The following CTTN variants were observed in gnomAD, a reference collection of about 807,000 sequenced individuals.
The protein encoded by CTTN is src substrate cortactin.
Under a neutral mutation model 84.0 loss-of-function variants are expected in CTTN, and 28 were observed. The ratio of observed to expected loss-of-function variants is 0.33; its 90% confidence interval spans 0.25 to 0.46. CTTN has a LOEUF of 0.46. Ranked by LOEUF, CTTN falls within the 20% of genes least tolerant of loss-of-function variation. CTTN has a pLI of 1.00. For missense variants in CTTN, 641 were observed against 723.8 expected (o/e 0.89, Z 1.31); for synonymous variants, 301 against 288.8 (o/e 1.04, Z -0.43).
At chr11:70,427,648 T>A (rs2058314225) in intron 13 of CTTN, among the ~76,000 whole-genome samples, 1 of 152,260 alleles carries the variant, frequency 6.6e-6, no homozygotes, top group African/African-American at 2.4e-5. Flanking sequence ...GGCCGGCTCC[T>A]CTGGCCCTGT....
At chr11:70,420,577 T>C (rs1226265677) in intron 10 of CTTN, 67 bp downstream of exon 10, 14 of 1,156,098 alleles carry the variant, frequency 1.2e-5, no homozygotes, top group Non-Finnish European at 1.8e-5. Flanking sequence ...CGGGGTCAGT[T>C]GGTATGTGTT....
At chr11:70,434,383 C>T (rs748428952) in intron 17 of CTTN, among the ~76,000 whole-genome samples, 2 of 152,254 alleles carry the variant, frequency 1.3e-5, no homozygotes, top group Non-Finnish European at 2.9e-5. Context: ...AAGCATCTTA[C>T]GGGTGGCGTG....
intron 15 of CTTN, among the ~76,000 whole-genome samples, chr11:70,431,698 A>G (rs549006908): frequency 6.6e-6 from 1 of 152,016 alleles, no homozygotes; most frequent in Non-Finnish European, 1.5e-5. Context: ...TCTGCCTTCT[A>G]TGCCTGCCCC....
At chr11:70,424,683 G>A (rs772584153) in intron 12 of CTTN, among the ~76,000 whole-genome samples, 8 of 152,018 alleles carry the variant, frequency 5.3e-5, no homozygotes, top group Non-Finnish European at 1.2e-4. Context: ...GGAGGAGGGA[G>A]CGGGGTCCGA....
intron 10 of CTTN, 60 bp downstream of exon 10, chr11:70,420,570 G>C: frequency 8.0e-7 from 1 of 1,250,822 alleles, no homozygotes; most frequent in Non-Finnish European, 1.2e-6. Flanking sequence ...TTCCTTGCGG[G>C]GTCAGTTGGT....
chr11:70,403,334 A>G (rs1436015624), intron 1 of CTTN, among the ~76,000 whole-genome samples: 1 of 151,962 alleles, frequency 6.6e-6, no homozygotes. Context: ...GACTACAGGC[A>G]TGCGTCACCA....
intron 12 of CTTN, among the ~76,000 whole-genome samples, chr11:70,423,978 A>G (rs2058272797): frequency 6.6e-6 from 1 of 152,046 alleles, no homozygotes; most frequent in South Asian, 2.1e-4. Context: ...GAAGCAGGGC[A>G]TGGTGTTTGG....
intron 9 of CTTN, chr11:70,420,112 CG>C (rs1436360579): frequency 1.7e-6 from 1 of 596,208 alleles, no homozygotes; most frequent in African/African-American, 1.9e-5. Context: ...CTGTGTTGCC[CG>C]TGTGAGCCTG....
chr11:70,435,167 C>T lies in CTTN; in HGVS notation c.*5C>T, dbSNP rs1217105624. ...TATGTGGAGCTGCGGCAGTAGGGCCCCCAGCCCCCCCCCGGAGCTGCGCCC... is the reference window on the plus strand; with the variant it reads ...TATGTGGAGCTGCGGCAGTAGGGCCTCCAGCCCCCCCCCGGAGCTGCGCCC... On this transcript the variant is annotated 3_prime_UTR_variant, in exon 18 of 18. Coordinates refer to ENST00000301843, the MANE Select transcript of CTTN (RefSeq NM_005231.4). 3.7e-6 allele frequency: 6 copies of T among 1,604,572 alleles called. No homozygotes were observed. Among genetic ancestry groups the T allele is most frequent in the African/African-American group, 1.3e-5 (1 of 74,768 alleles).
rs749488747 is a variant in CTTN, at chr11:70,429,163, G to A, written c.1140G>A (p.Glu380=). The change falls in exon 14 of 18, where the codon GAG becomes GAA. Residue 380 remains glutamate, a synonymous_variant. Coordinates refer to ENST00000301843, the MANE Select transcript of CTTN (RefSeq NM_005231.4). ...EAERAQRMAK[E]RQEQEEARRK... is the part of the protein sequence containing the mutation. ...AGAGAGCCCAGCGGATGGCCAAGGA[G>A]CGGCAGGAGCAGGAAGAGGCCAGGA... The A allele has an allele frequency of 2.5e-6, 4 of 1,613,796 alleles. No individual in the cohort carries two copies. The highest frequency in any genetic ancestry group is 1.7e-5 in the Admixed American group (1 of 60,030).
At chr11:70,401,590 G>T (rs1378868582) in intron 1 of CTTN, among the ~76,000 whole-genome samples, 2 of 152,066 alleles carry the variant, frequency 1.3e-5, no homozygotes, top group Non-Finnish European at 2.9e-5. Flanking sequence ...AGAGGTTGCG[G>T]TGAGCTGAGA....
intron 13 of CTTN, among the ~76,000 whole-genome samples, chr11:70,425,814 G>A (rs1344922923): frequency 6.6e-6 from 1 of 152,212 alleles, no homozygotes; most frequent in African/African-American, 2.4e-5. Context: ...CATTCTCTCT[G>A]CTGCTCGTTC....
chr11:70,433,253 A>C lies in CTTN; in HGVS notation c.1419A>C (p.Ala473=), dbSNP rs780946788. ...CCACAGAGGCTGTCTATGAAAGCGC[A>C]GAGGCCCCGGGCCACTATCCCGCAG... is the stretch of plus-strand genomic sequence containing the variant. ...AYATEAVYES[A]EAPGHYPAED... is the part of the protein sequence containing the mutation. Residue 473 remains alanine, a synonymous_variant, in exon 16 of 18, where the codon GCA becomes GCC. Coordinates refer to ENST00000301843, the MANE Select transcript of CTTN (RefSeq NM_005231.4). 12 of 1,612,204 alleles carry C rather than the reference A, an allele frequency of 7.4e-6. No homozygotes were observed. Among genetic ancestry groups the C allele is most frequent in the Non-Finnish European group, 1.0e-5 (12 of 1,179,720 alleles).
intron 15 of CTTN, among the ~76,000 whole-genome samples, chr11:70,432,849 G>A (rs1483434887): frequency 5.9e-5 from 9 of 152,208 alleles, no homozygotes; most frequent in East Asian, 3.9e-4. Flanking sequence ...CTGTGTGGGC[G>A]TGGTTATTGC....
intron 10 of CTTN, 131 bp downstream of exon 10, chr11:70,420,641 C>G (rs1207932799): frequency 1.4e-6 from 1 of 704,994 alleles, no homozygotes; most frequent in South Asian, 1.7e-5. Flanking sequence ...TGAAGTTGTC[C>G]TGTGTGCCCC....
chr11:70,413,504 A>G (rs913478479), intron 5 of CTTN, among the ~76,000 whole-genome samples: 1 of 152,176 alleles, frequency 6.6e-6, no homozygotes, highest in Admixed American at 6.5e-5. Flanking sequence ...GCTGAATCAC[A>G]CAAGCAGCTG....
At chr11:70,407,091 G>A (rs1591431817) in intron 2 of CTTN, among the ~76,000 whole-genome samples, 2 of 152,340 alleles carry the variant, frequency 1.3e-5, no homozygotes, top group Admixed American at 1.3e-4. Flanking sequence ...GACGTCAGGT[G>A]ACGGCAGTGT....
intron 1 of CTTN, among the ~76,000 whole-genome samples, chr11:70,402,845 G>A (rs1157098717): frequency 6.6e-6 from 1 of 152,182 alleles, no homozygotes; most frequent in African/African-American, 2.4e-5. Flanking sequence ...ATAGACCTAG[G>A]AGTGGAGTTG....
chr11:70,436,519 C>A lies in CTTN; in HGVS notation c.*1357C>A. The A allele has an allele frequency of 1.1e-6, 1 of 874,722 alleles. No individual in the cohort carries two copies. The highest frequency in any genetic ancestry group is 1.8e-6 in the Non-Finnish European group (1 of 565,826). 54.2% of individuals were successfully genotyped at this position (874,722 alleles called of 1,614,324 possible). On this transcript the variant is annotated 3_prime_UTR_variant, in exon 18 of 18. Transcript: ENST00000301843. ...ATTGTATCTGAATTCCTGTAGCACA[C>A]CTCATAGGTATGATTTTTTTAAATT...
Sources: gnomAD v4.1 joint callset for allele counts (sites outside exome capture counted in the v4.1 genomes callset) on GRCh38, gnomAD v4.1.1 for gene constraint, MANE v1.5 for transcripts, NCBI Gene and HGNC (gene_info 2026-07-23, HGNC 2026-07-21) for gene names.